The following MACROD2 variants were observed in gnomAD, a reference collection of about 807,000 sequenced individuals.
MACROD2 encodes mono-ADP ribosylhydrolase 2, also known as ADP-ribose glycohydrolase MACROD2.
MACROD2 carries 36 observed loss-of-function variants against 70.4 expected under a neutral mutation model. The observed-to-expected ratio is 0.51, with a 90% CI of 0.39 to 0.68. MACROD2 has a LOEUF of 0.68. Among genes scored for constraint, MACROD2 ranks in the 30% least tolerant of loss-of-function variants. MACROD2 has a pLI of 0.00. For synonymous variants in MACROD2, 172 were observed against 178.8 expected, an observed-to-expected ratio of 0.96 and a Z score of 0.30; for missense variants, 496 against 538.4, an observed-to-expected ratio of 0.92 and a Z score of 0.78.
At chr20:15,208,828 T>G (rs1601230152) in intron 5 of MACROD2, among the ~76,000 whole-genome samples, 3 of 152,282 alleles carry the variant, frequency 2.0e-5, no homozygotes, top group Admixed American at 2.0e-4. Context: ...AGTGCCAGCT[T>G]CCTATGTGGT....
At chr20:14,655,957 C>G (rs1985953011) in intron 4 of MACROD2, among the ~76,000 whole-genome samples, 1 of 152,092 alleles carries the variant, frequency 6.6e-6, no homozygotes, top group Non-Finnish European at 1.5e-5. Context: ...GATTCTCACT[C>G]CCTGGAAATA....
intron 5 of MACROD2, among the ~76,000 whole-genome samples, chr20:15,211,261 G>A (rs1232945792): frequency 3.3e-5 from 5 of 152,062 alleles, no homozygotes; most frequent in Admixed American, 6.6e-5. Context: ...TCATATTGTA[G>A]CATTTATCAG....
chr20:15,476,572 C>G (rs561665525), intron 7 of MACROD2, among the ~76,000 whole-genome samples: 123 of 76,534 alleles, frequency 1.6e-3, no homozygotes, highest in African/African-American at 0.013. Flanking sequence ...GTTGTTTTGC[C>G]CCCCCCCGGT....
chr20:15,609,082 G>T (rs938037712), intron 8 of MACROD2, among the ~76,000 whole-genome samples: 10 of 152,092 alleles, frequency 6.6e-5, no homozygotes, highest in African/African-American at 1.4e-4. Context: ...GAAGCAGAAA[G>T]GCAGACTTAA....
chr20:15,465,338 C>A (rs1285701726), intron 7 of MACROD2, among the ~76,000 whole-genome samples: 1 of 152,106 alleles, frequency 6.6e-6, no homozygotes, highest in African/African-American at 2.4e-5. Context: ...AAATGAAAAC[C>A]AGCATTTAGC....
chr20:15,080,148 A>AAATG (rs1287035811), intron 5 of MACROD2, among the ~76,000 whole-genome samples: 1 of 150,298 alleles, frequency 6.7e-6, no homozygotes, highest in Admixed American at 6.7e-5. Flanking sequence ...ATAAATAAAT[A>AAATG]AATAAATAAA....
chr20:15,523,147 C>G (rs1432518172), intron 8 of MACROD2, among the ~76,000 whole-genome samples: 3 of 152,120 alleles, frequency 2.0e-5, no homozygotes, highest in Admixed American at 6.5e-5. Flanking sequence ...CTTAAGCACC[C>G]TTTAAAGAGA....
intron 6 of MACROD2, among the ~76,000 whole-genome samples, chr20:15,387,534 C>G (rs1480040862): frequency 6.6e-6 from 1 of 150,936 alleles, no homozygotes; most frequent in Non-Finnish European, 1.5e-5. Context: ...ATTTCTCCCT[C>G]TCCTTTCTCT....
intron 4 of MACROD2, among the ~76,000 whole-genome samples, chr20:14,659,985 G>T (rs1433529981): frequency 6.6e-6 from 1 of 152,134 alleles, no homozygotes; most frequent in Non-Finnish European, 1.5e-5. Context: ...GAGGGGGCTT[G>T]TTTAGAGAGA....
At chr20:14,165,637 T>A (rs1417160556) in intron 3 of MACROD2, among the ~76,000 whole-genome samples, 1 of 152,232 alleles carries the variant, frequency 6.6e-6, no homozygotes, top group Non-Finnish European at 1.5e-5. Context: ...ACTTATACTT[T>A]TTCTTTCCTA....
intron 4 of MACROD2, among the ~76,000 whole-genome samples, chr20:14,575,017 C>CAAAAAAAAAAAAAAA (rs1195216470): frequency 1.4e-4 from 7 of 49,936 alleles, no homozygotes; most frequent in Admixed American, 4.7e-4. Context: ...GACTCTGTCT[C>CAAAAAAAAAAAAAAA]AAAAAAAAAA....
intron 6 of MACROD2, among the ~76,000 whole-genome samples, chr20:15,254,693 A>G (rs2077183620): frequency 6.6e-6 from 1 of 152,172 alleles, no homozygotes; most frequent in South Asian, 2.1e-4. Context: ...AGACACTATT[A>G]TAATTATCAC....
rs199851966 is a variant in MACROD2 at position 15,088,457 on chromosome 20, TTGTGTG to T, written c.419-141471_419-141466del. Among the ~76,000 whole-genome samples, 7 of 123,500 alleles carry T rather than the reference TTGTGTG, an allele frequency of 5.7e-5. No individual in the cohort carries two copies. In the East Asian group the frequency reaches 1.4e-3, roughly 25 times the overall value. 81.0% of individuals were successfully genotyped at this position (123,500 alleles called of 152,430 possible). ...TATATATATATATATATATAATATT[TTGTGTG>T]TGTGTGTGTGTTGCTTTAAAGTCAG... is the stretch of plus-strand genomic sequence containing the variant. On this transcript the variant is annotated intron_variant, in intron 5 of 17. Transcript: ENST00000684519.
intron 8 of MACROD2, among the ~76,000 whole-genome samples, chr20:15,592,407 G>A (rs1256121834): frequency 1.3e-5 from 2 of 152,210 alleles, no homozygotes; most frequent in South Asian, 2.1e-4. Flanking sequence ...GACCTTGATA[G>A]TAGAGGCAGG....
rs1002227981 is a variant in MACROD2, at chr20:15,188,844, T to G, written c.419-41096T>G. The stretch of plus-strand genomic sequence containing the variant: ...AAATAGTAAGAACTTACTCTTGCTC[T>G]TTTTTTGGAACTATATTCAGCCTTG... On this transcript the variant is annotated intron_variant, in intron 5 of 17. Transcript: ENST00000684519. 3.9e-5 allele frequency among the ~76,000 whole-genome samples: 6 copies of G among 152,252 alleles called. No individual in the cohort carries two copies. The South Asian group carries it at 8.3e-4, about 21-fold the overall frequency.
At chr20:15,550,230 T>C (rs2048077240) in intron 8 of MACROD2, among the ~76,000 whole-genome samples, 1 of 150,694 alleles carries the variant, frequency 6.6e-6, no homozygotes, top group Admixed American at 6.6e-5. Flanking sequence ...TCATACCCAC[T>C]GTTTTATTAT....
intron 8 of MACROD2, among the ~76,000 whole-genome samples, chr20:15,706,833 T>C (rs2050539539): frequency 6.6e-6 from 1 of 152,230 alleles, no homozygotes. Context: ...TTTATATTTA[T>C]GATATTCATG....
At chr20:14,154,447 C>A (rs1284499172) in intron 3 of MACROD2, among the ~76,000 whole-genome samples, 1 of 148,136 alleles carries the variant, frequency 6.8e-6, no homozygotes, top group Non-Finnish European at 1.5e-5. Context: ...AGTCCAGTGG[C>A]GCAATCTCGG....
intron 5 of MACROD2, among the ~76,000 whole-genome samples, chr20:14,862,142 ATTATACAT>A (rs2073340077): frequency 8.1e-5 from 1 of 12,336 alleles, no homozygotes. Context: ...ATAAATATAT[ATTATACAT>A]AAATATATAA....
Sources: allele counts gnomAD v4.1 joint callset (sites outside exome capture counted in the v4.1 genomes callset), GRCh38; gene constraint gnomAD v4.1.1; transcripts MANE v1.5; gene names NCBI Gene and HGNC (gene_info 2026-07-23, HGNC 2026-07-21).